Variants in ZNF695 observed in about 807,000 individuals in gnomAD.
ZNF695 encodes zinc finger protein 695, also known as zinc finger protein SBZF3.
A neutral mutation model predicts 11.2 loss-of-function variants in ZNF695; 11 were observed. The observed-to-expected ratio is 0.98, with a 90% CI of 0.62 to 1.62. ZNF695 has a LOEUF of 1.62. Ranked by LOEUF, ZNF695 falls within the 40% of genes most tolerant of loss-of-function variation. The probability of loss-of-function intolerance (pLI) is 0.00; values close to 1 mark genes in which losing one functional copy is unlikely to be tolerated. For missense variants in ZNF695, 559 were observed against 590.5 expected (o/e 0.95, Z 0.55); for synonymous variants, 190 against 201.4 (o/e 0.94, Z 0.48).
At chr1:246,979,664 T>G (rs991090817) in intron 4 of ZNF695, among the ~76,000 whole-genome samples, 3 of 152,216 alleles carry the variant, frequency 2.0e-5, no homozygotes, top group African/African-American at 7.2e-5. Flanking sequence ...TCTTAAATTA[T>G]GAATATGGTT....
rs996437048 is a variant in ZNF695 at position 246,945,865 on chromosome 1, C to T, written c.489-38G>A. ...AAGAAAGAAAAGCAGCTTAAGGTTC[C>T]GAGTAGCTCCTTGGGATATGATTTA... On this transcript the variant is annotated intron_variant, in intron 5 of 5. Coordinates refer to the ZNF695 transcript ENST00000487338. 2.5e-5 allele frequency: 39 copies of T among 1,549,462 alleles called. 1 individual carries two copies. The highest frequency in any genetic ancestry group is 3.9e-5 in the Admixed American group (2 of 50,950).
At position 246,970,616 on chromosome 1, in the gene ZNF695, G is replaced by A. The variant is rs573086710; in HGVS notation, c.391-2824C>T. On this transcript the variant is annotated intron_variant, in intron 4 of 5. Coordinates refer to the ZNF695 transcript ENST00000487338. ...GCCTGGCAAGGAACAATTAATTGAC[G>A]GGAATCTATAAGCTAAACAATTCCC... Among the ~76,000 whole-genome samples the A allele has an allele frequency of 6.6e-5, 10 of 152,314 alleles. No individual in the cohort carries two copies. The South Asian group carries it at 8.3e-4, about 13-fold the overall frequency.
intron 3 of ZNF695, among the ~76,000 whole-genome samples, chr1:246,995,813 CAAAAAAAAAAAA>C (rs60375785): frequency 1.5e-5 from 1 of 66,760 alleles, no homozygotes. Context: ...GACTCTGTCT[CAAAAAAAAAAAA>C]AAAAAAAAAA....
intron 5 of ZNF695, among the ~76,000 whole-genome samples, chr1:246,952,228 C>T (rs935206373): frequency 2.0e-5 from 3 of 152,200 alleles, no homozygotes; most frequent in Non-Finnish European, 2.9e-5. Flanking sequence ...GGATTATAGG[C>T]GTGAGCCACT....
At chr1:246,949,849 C>T (rs1572501393) in intron 5 of ZNF695, among the ~76,000 whole-genome samples, 2 of 152,280 alleles carry the variant, frequency 1.3e-5, no homozygotes, top group East Asian at 1.9e-4. Flanking sequence ...CCATCAATTA[C>T]ATACTAACAA....
At chr1:247,007,651 C>G (rs1460348458) in intron 1 of ZNF695, among the ~76,000 whole-genome samples, 3 of 152,118 alleles carry the variant, frequency 2.0e-5, no homozygotes, top group Non-Finnish European at 4.4e-5. Flanking sequence ...GGGGCTGCCC[C>G]GGGAGGGCTC....
At chr1:246,989,381 TAG>T (rs936202183) in intron 3 of ZNF695, among the ~76,000 whole-genome samples, 1 of 152,168 alleles carries the variant, frequency 6.6e-6, no homozygotes, top group Admixed American at 6.5e-5. Context: ...AGCTAAGGCG[TAG>T]AGTTTTTATT....
intron 4 of ZNF695, among the ~76,000 whole-genome samples, chr1:246,977,635 A>G (rs1402504479): frequency 6.6e-6 from 1 of 152,196 alleles, no homozygotes; most frequent in Non-Finnish European, 1.5e-5. Flanking sequence ...CAGCATCTCT[A>G]TTTGTCAGAG....
At chr1:246,971,771 ATTCTTATTCTATACATT>A (rs1668433483) in intron 4 of ZNF695, among the ~76,000 whole-genome samples, 1 of 152,202 alleles carries the variant, frequency 6.6e-6, no homozygotes, top group Admixed American at 6.5e-5. Flanking sequence ...TAGTATAACT[ATTCTTATTCTATACATT>A]TTCTTTATTA....
intron 5 of ZNF695, among the ~76,000 whole-genome samples, chr1:246,957,291 G>A (rs566731162): frequency 6.6e-6 from 1 of 151,898 alleles, no homozygotes; most frequent in South Asian, 2.1e-4. Context: ...GCTGAGGCAG[G>A]AGAATCGCTT....
At chr1:246,971,114 T>C (rs1466933749) in intron 4 of ZNF695, among the ~76,000 whole-genome samples, 2 of 152,178 alleles carry the variant, frequency 1.3e-5, no homozygotes, top group African/African-American at 4.8e-5. Context: ...ACAAGACAAG[T>C]TGGCAGGGTA....
chr1:246,989,742 G>A (rs1449142273), intron 3 of ZNF695, among the ~76,000 whole-genome samples: 1 of 152,190 alleles, frequency 6.6e-6, no homozygotes, highest in Non-Finnish European at 1.5e-5. Flanking sequence ...TTGAGGCCAG[G>A]TGCAGTGGCT....
chr1:246,986,941 T>C lies in ZNF695; in HGVS notation c.*26A>G, dbSNP rs1222973034. 2 of 1,539,032 alleles carry C rather than the reference T, an allele frequency of 1.3e-6. No homozygotes were observed. Among genetic ancestry groups the C allele is most frequent in the Admixed American group, 2.2e-5 (1 of 46,080 alleles). On this transcript the variant is annotated 3_prime_UTR_variant, in exon 4 of 4. Transcript: ENST00000339986. The stretch of plus-strand genomic sequence containing the variant: ...TGAATAGGTATTAAAGACTATGCCA[T>C]ATTGTTTAGAATTGTAGGGTTTTTC...
At chr1:246,963,046 C>T (rs1212479680) in intron 5 of ZNF695, among the ~76,000 whole-genome samples, 1 of 152,162 alleles carries the variant, frequency 6.6e-6, no homozygotes, top group African/African-American at 2.4e-5. Flanking sequence ...CAAACCGGCT[C>T]CTGTCTCTTG....
chr1:246,983,473 A>C (rs1019741571), downstream of ZNF695, among the ~76,000 whole-genome samples: 14 of 152,252 alleles, frequency 9.2e-5, no homozygotes, highest in African/African-American at 3.4e-4. Flanking sequence ...GTAAGCTATG[A>C]TCACAATGTC....
chr1:246,967,130 G>A (rs1668310392), intron 5 of ZNF695, among the ~76,000 whole-genome samples: 1 of 152,088 alleles, frequency 6.6e-6, no homozygotes. Context: ...TAGAGACGGG[G>A]TTTCTCCATG....
intron 4 of ZNF695, among the ~76,000 whole-genome samples, chr1:246,971,377 G>A (rs558533287): frequency 5.3e-5 from 8 of 152,316 alleles, no homozygotes; most frequent in South Asian, 2.1e-4. Context: ...ACAGGGAGAC[G>A]GTCAGGCCTC....
At chr1:246,960,499 T>C (rs1212265284) in intron 5 of ZNF695, among the ~76,000 whole-genome samples, 1 of 152,202 alleles carries the variant, frequency 6.6e-6, no homozygotes, top group Non-Finnish European at 1.5e-5. Context: ...TCTCTCTATA[T>C]ATATGCCCCA....
intron 5 of ZNF695, among the ~76,000 whole-genome samples, chr1:246,961,352 T>G (rs1212472042): frequency 6.6e-6 from 1 of 152,220 alleles, no homozygotes; most frequent in Non-Finnish European, 1.5e-5. Context: ...CATGTGCACG[T>G]AGATACTCGA....
Sources: allele counts gnomAD v4.1 joint callset (sites outside exome capture counted in the v4.1 genomes callset), GRCh38; gene constraint gnomAD v4.1.1; transcripts MANE v1.5; gene names NCBI Gene and HGNC (gene_info 2026-07-23, HGNC 2026-07-21).